Variants in NRXN1 observed in about 807,000 individuals in gnomAD.
NRXN1 encodes the protein neurexin-1.
NRXN1 carries 39 observed loss-of-function variants against 150.9 expected under a neutral mutation model. The observed-to-expected ratio is 0.26, with a 90% CI of 0.20 to 0.34. The LOEUF is 0.34. NRXN1 is among the 10% of genes least tolerant of loss of function. The pLI is 1.00. For synonymous variants in NRXN1, 924 were observed against 757.0 expected, an observed-to-expected ratio of 1.22 and a Z score of -3.62; for missense variants, 1,815 against 1,949.9, an observed-to-expected ratio of 0.93 and a Z score of 1.30.
At chr2:50,284,542 G>A (rs2071867871) in intron 17 of NRXN1, among the ~76,000 whole-genome samples, 1 of 152,094 alleles carries the variant, frequency 6.6e-6, no homozygotes, top group Admixed American at 6.6e-5. Flanking sequence ...TATGGAAAAA[G>A]GCTATATTTT....
intron 13 of NRXN1, among the ~76,000 whole-genome samples, chr2:50,505,465 T>C (rs2092173157): frequency 1.3e-5 from 2 of 152,176 alleles, no homozygotes; most frequent in African/African-American, 2.4e-5. Context: ...AACTCTTACA[T>C]GTGACCTTAG....
rs1397391170 is a variant in NRXN1, at chr2:50,053,514, G to A, written c.3885C>T (p.Gly1295=). Residue 1295 remains glycine (G), a synonymous_variant, in exon 21 of 23, where the codon GGC becomes GGT. Transcript: ENST00000401669. ...CATTGTAGTACAGCCCAGAGAGCTG[G>A]CCCTGGAAGGGCTGGCCCTGCTCTT... ...GGKEQGQPFQ[G]QLSGLYYNGL... 6.2e-7 allele frequency: 1 copy of A among 1,614,068 alleles called. No individual in the cohort carries two copies. The highest frequency in any genetic ancestry group is 1.7e-5 in the Admixed American group (1 of 59,998).
chr2:50,449,682 C>T (rs2086779889), intron 17 of NRXN1, among the ~76,000 whole-genome samples: 1 of 152,090 alleles, frequency 6.6e-6, no homozygotes, highest in Non-Finnish European at 1.5e-5. Flanking sequence ...GTATATGTCA[C>T]TACATTTTGA....
intron 5 of NRXN1, among the ~76,000 whole-genome samples, chr2:50,864,824 A>G (rs1283127560): frequency 6.6e-6 from 1 of 152,012 alleles, no homozygotes; most frequent in Non-Finnish European, 1.5e-5. Flanking sequence ...AGTGGTTTTC[A>G]GGTATCAAGA....
chr2:50,390,910 C>A (rs939222650), intron 17 of NRXN1, among the ~76,000 whole-genome samples: 1 of 152,080 alleles, frequency 6.6e-6, no homozygotes, highest in Non-Finnish European at 1.5e-5. Flanking sequence ...TATAGCAACA[C>A]AAACAGATTA....
intron 9 of NRXN1, among the ~76,000 whole-genome samples, chr2:50,546,710 AC>A (rs1365676871): frequency 1.3e-5 from 2 of 152,238 alleles, no homozygotes; most frequent in Non-Finnish European, 2.9e-5. Context: ...ACTTAACATT[AC>A]AATTTTAAGC....
At chr2:50,702,362 A>T (rs779572607) in intron 5 of NRXN1, among the ~76,000 whole-genome samples, 3,328 of 151,380 alleles carry the variant, frequency 0.022, 63 homozygotes, top group South Asian at 0.043. Context: ...TAATGAAAAA[A>T]AAAAACAAAA....
chr2:50,847,831 C>T (rs1016564048), intron 5 of NRXN1, among the ~76,000 whole-genome samples: 5 of 152,210 alleles, frequency 3.3e-5, no homozygotes, highest in East Asian at 2.0e-4. Flanking sequence ...CGGAGTTTGG[C>T]TGGAGCGACC....
At chr2:50,130,245 A>G (rs1307393643) in intron 18 of NRXN1, among the ~76,000 whole-genome samples, 1 of 151,868 alleles carries the variant, frequency 6.6e-6, no homozygotes, top group African/African-American at 2.4e-5. Context: ...CTGTGTAGAG[A>G]GCTCAAAATT....
intron 2 of NRXN1, chr2:50,979,165 T>G: frequency 2.1e-6 from 1 of 477,190 alleles, no homozygotes; most frequent in Middle Eastern, 3.5e-4. Context: ...ACACATAACT[T>G]ACATGGTCAT....
chr2:50,450,830 A>C (rs2086889711), intron 17 of NRXN1, among the ~76,000 whole-genome samples: 1 of 152,182 alleles, frequency 6.6e-6, no homozygotes. Context: ...TAGCACAAAA[A>C]ATATCTTTTC....
chr2:50,219,069 T>A (rs1314574304), intron 18 of NRXN1, among the ~76,000 whole-genome samples: 1 of 152,030 alleles, frequency 6.6e-6, no homozygotes, highest in Non-Finnish European at 1.5e-5. Flanking sequence ...TGAATAGTTA[T>A]CGTACTTCAA....
At chr2:50,483,050 C>CAAAAAAA (rs70948712) in intron 15 of NRXN1, among the ~76,000 whole-genome samples, 2 of 75,412 alleles carry the variant, frequency 2.7e-5, no homozygotes, top group Non-Finnish European at 4.8e-5. Flanking sequence ...GACTCCGTGT[C>CAAAAAAA]AAAAAAAAAA....
chr2:50,882,449 A>G (rs1285316315), intron 5 of NRXN1, among the ~76,000 whole-genome samples: 1 of 152,032 alleles, frequency 6.6e-6, no homozygotes, highest in East Asian at 1.9e-4. Flanking sequence ...GTTTCAAAGA[A>G]TTTGTGTAAC....
chr2:50,943,158 A>G (rs749745003), intron 2 of NRXN1, among the ~76,000 whole-genome samples: 6 of 152,044 alleles, frequency 3.9e-5, no homozygotes, highest in Non-Finnish European at 7.4e-5. Flanking sequence ...ACCTTCTGCC[A>G]TGATTGAAAG....
chr2:49,966,969 T>C (rs1677074777), intron 21 of NRXN1, among the ~76,000 whole-genome samples: 1 of 152,100 alleles, frequency 6.6e-6, no homozygotes, highest in Admixed American at 6.6e-5. Context: ...CCTAAAATAT[T>C]TGATTGAATG....
intron 17 of NRXN1, among the ~76,000 whole-genome samples, chr2:50,411,367 G>A (rs896690332): frequency 4.6e-5 from 7 of 152,092 alleles, no homozygotes; most frequent in African/African-American, 1.2e-4. Flanking sequence ...GCGTGATCTC[G>A]GCTCGCTACA....
At chr2:50,900,307 C>T (rs1175473474) in intron 5 of NRXN1, among the ~76,000 whole-genome samples, 2 of 152,142 alleles carry the variant, frequency 1.3e-5, no homozygotes, top group Admixed American at 1.3e-4. Context: ...TCCTATATCA[C>T]ATTACACTTC....
intron 17 of NRXN1, among the ~76,000 whole-genome samples, chr2:50,329,651 ATATATATATATATATATATATAT>A (rs2076679149): frequency 3.2e-3 from 30 of 9,364 alleles, no homozygotes; most frequent in East Asian, 0.026. Flanking sequence ...ATATATATAT[ATATATATATATATATATATATAT>A]TTTTTTTTTT....
Sources: allele counts gnomAD v4.1 joint callset (sites outside exome capture counted in the v4.1 genomes callset), GRCh38; gene constraint gnomAD v4.1.1; transcripts MANE v1.5; gene names NCBI Gene and HGNC (gene_info 2026-07-23, HGNC 2026-07-21).